The following LEKR1 variants were observed in gnomAD, a reference collection of about 807,000 sequenced individuals.
LEKR1 encodes protein LEKR1.
LEKR1 carries 59 observed loss-of-function variants against 72.4 expected under a neutral mutation model. That is an observed-to-expected ratio of 0.82 (90% CI 0.66 to 1.01). The LOEUF is 1.01. LEKR1 is among the 50% of genes least tolerant of loss of function. The pLI is 0.00. For synonymous variants in LEKR1, 257 were observed against 263.2 expected, an observed-to-expected ratio of 0.98 and a Z score of 0.23; for missense variants, 728 against 759.2, an observed-to-expected ratio of 0.96 and a Z score of 0.48.
chr3:157,012,985 T>C (rs1733015913), intron 10 of LEKR1, among the ~76,000 whole-genome samples: 1 of 152,108 alleles, frequency 6.6e-6, no homozygotes, highest in African/African-American at 2.4e-5. Context: ...AGATTGTTTA[T>C]CCATCCAACT....
chr3:156,918,694 T>C (rs556203843), intron 3 of LEKR1, among the ~76,000 whole-genome samples: 16 of 152,126 alleles, frequency 1.1e-4, no homozygotes, highest in Non-Finnish European at 1.9e-4. Flanking sequence ...CTAAATAATA[T>C]ATAAAATTAA....
At chr3:156,875,239 T>C (rs772247133) in intron 3 of LEKR1, among the ~76,000 whole-genome samples, 7 of 152,236 alleles carry the variant, frequency 4.6e-5, no homozygotes, top group African/African-American at 1.7e-4. Context: ...AGGAATAATA[T>C]GGTATCACAT....
chr3:156,865,974 A>T (rs1717267206), intron 3 of LEKR1, among the ~76,000 whole-genome samples: 1 of 151,934 alleles, frequency 6.6e-6, no homozygotes, highest in Admixed American at 6.6e-5. Flanking sequence ...TCCCTTTTAT[A>T]ATGCTCCTTA....
chr3:156,899,691 C>CAT (rs368534984), intron 3 of LEKR1, among the ~76,000 whole-genome samples: 1 of 141,114 alleles, frequency 7.1e-6, no homozygotes, highest in Non-Finnish European at 1.5e-5. Flanking sequence ...CATATATACA[C>CAT]ATATATACAC....
rs746384091 is a variant in LEKR1, at chr3:157,045,544, CTG to C, written c.1874_1875del (p.Leu625GlnfsTer3). The C allele has an allele frequency of 1.9e-6, 3 of 1,614,142 alleles. No homozygotes were observed. Among genetic ancestry groups the C allele is most frequent in the Non-Finnish European group, 2.5e-6 (3 of 1,180,016 alleles). ...SNHGERSLAR[L>X]NSEKGIQIPN... ...TCATGGAGAGAGAAGCCTTGCAAGA[CTG>C]AACTCTGAAAAAGGAATCCAAATTC... On this transcript the variant is annotated frameshift_variant, in exon 13 of 13. Transcript: ENST00000356539. LOFTEE classifies it low-confidence loss of function (END_TRUNC).
intron 3 of LEKR1, among the ~76,000 whole-genome samples, chr3:156,869,061 T>C (rs115180038): frequency 0.016 from 2,458 of 152,232 alleles, 67 homozygotes; most frequent in African/African-American, 0.055. Flanking sequence ...TATTTCATTG[T>C]GTATGTATAT....
At chr3:157,044,845 T>G (rs903111378) in intron 12 of LEKR1, among the ~76,000 whole-genome samples, 4 of 152,226 alleles carry the variant, frequency 2.6e-5, no homozygotes, top group African/African-American at 9.6e-5. Context: ...GCTGATTTTT[T>G]TATTCTTTCA....
intron 6 of LEKR1, among the ~76,000 whole-genome samples, chr3:156,965,409 T>C (rs1204826168): frequency 6.6e-6 from 1 of 152,148 alleles, no homozygotes; most frequent in African/African-American, 2.4e-5. Flanking sequence ...AAAGTGTTGG[T>C]CCTTAATATT....
At chr3:157,015,681 C>T (rs930161370) in intron 10 of LEKR1, among the ~76,000 whole-genome samples, 3 of 151,994 alleles carry the variant, frequency 2.0e-5, no homozygotes, top group Non-Finnish European at 2.9e-5. Flanking sequence ...TGAAAAATTG[C>T]CATCCTTGGA....
chr3:156,832,918 A>G (rs7638335), intron 2 of LEKR1, among the ~76,000 whole-genome samples: 6,985 of 152,278 alleles, frequency 0.046, 568 homozygotes, highest in African/African-American at 0.16. Flanking sequence ...AAACAAAGCA[A>G]AACAAAAAAC....
At chr3:156,962,559 T>C (rs772710900) in intron 6 of LEKR1, among the ~76,000 whole-genome samples, 2 of 152,222 alleles carry the variant, frequency 1.3e-5, no homozygotes, top group Non-Finnish European at 2.9e-5. Context: ...AGGGATCTCC[T>C]GTGGAAGCCA....
At chr3:156,868,394 G>A (rs768701018) in intron 3 of LEKR1, among the ~76,000 whole-genome samples, 9 of 151,794 alleles carry the variant, frequency 5.9e-5, no homozygotes, top group Non-Finnish European at 1.0e-4. Flanking sequence ...GATTACTCCC[G>A]GGCTTTGTCA....
At chr3:156,916,170 G>C (rs80354403) in intron 3 of LEKR1, among the ~76,000 whole-genome samples, 3,777 of 152,166 alleles carry the variant, frequency 0.025, 146 homozygotes, top group East Asian at 0.16. Context: ...TAGCCCCGTA[G>C]CATAGTTTGA....
intron 12 of LEKR1, among the ~76,000 whole-genome samples, chr3:157,030,636 T>G (rs1734536819): frequency 6.6e-6 from 1 of 152,144 alleles, no homozygotes; most frequent in Non-Finnish European, 1.5e-5. Context: ...CAACAAACAT[T>G]TATTATCTCA....
intron 9 of LEKR1, among the ~76,000 whole-genome samples, chr3:156,993,569 T>A (rs931496183): frequency 2.0e-5 from 3 of 151,928 alleles, no homozygotes; most frequent in African/African-American, 7.3e-5. Context: ...AGACCACGTG[T>A]GATACTTGTA....
At chr3:156,978,276 A>G (rs1729879262) in intron 6 of LEKR1, among the ~76,000 whole-genome samples, 5 of 152,236 alleles carry the variant, frequency 3.3e-5, no homozygotes, top group Admixed American at 2.6e-4. Context: ...CGATTTATAT[A>G]GTTTTATGTA....
At chr3:156,876,767 A>G (rs1718643852) in intron 3 of LEKR1, among the ~76,000 whole-genome samples, 1 of 152,212 alleles carries the variant, frequency 6.6e-6, no homozygotes, top group African/African-American at 2.4e-5. Flanking sequence ...TCATCAGCAT[A>G]CAGCAACAGT....
At chr3:157,016,483 G>C (rs1464948202) in intron 10 of LEKR1, among the ~76,000 whole-genome samples, 1 of 152,044 alleles carries the variant, frequency 6.6e-6, no homozygotes, top group Non-Finnish European at 1.5e-5. Context: ...TTCATACCAA[G>C]TGAAAATATC....
At chr3:157,005,826 T>A (rs1576984037) in intron 9 of LEKR1, among the ~76,000 whole-genome samples, 1 of 152,078 alleles carries the variant, frequency 6.6e-6, no homozygotes, top group East Asian at 1.9e-4. Flanking sequence ...ACAATGATAT[T>A]TAGAAACTCA....
Sources: gnomAD v4.1 joint callset for allele counts (sites outside exome capture counted in the v4.1 genomes callset) on GRCh38, gnomAD v4.1.1 for gene constraint, MANE v1.5 for transcripts, NCBI Gene and HGNC (gene_info 2026-07-23, HGNC 2026-07-21) for gene names.